The following MAP6 variants were observed in gnomAD, a reference collection of about 807,000 sequenced individuals.
The protein encoded by MAP6 is microtubule associated protein 6.
Under a neutral mutation model 42.4 loss-of-function variants are expected in MAP6, and 26 were observed. That is an observed-to-expected ratio of 0.61 (90% CI 0.45 to 0.85). MAP6 has a LOEUF of 0.85. Ranked by LOEUF, MAP6 falls within the 40% of genes least tolerant of loss-of-function variation. The probability of loss-of-function intolerance (pLI) is 0.00; values close to 1 mark genes in which losing one functional copy is unlikely to be tolerated. For synonymous variants in MAP6, 418 were observed against 443.8 expected, an observed-to-expected ratio of 0.94 and a Z score of 0.73; for missense variants, 966 against 1,099.0, an observed-to-expected ratio of 0.88 and a Z score of 1.71.
At chr11:75,654,353 T>C (rs1288276952) in intron 1 of MAP6, among the ~76,000 whole-genome samples, 2 of 152,190 alleles carry the variant, frequency 1.3e-5, no homozygotes, top group Admixed American at 1.3e-4. Context: ...GTTCCTAATC[T>C]TTTTCCTTCC....
intron 2 of MAP6, chr11:75,607,758 T>C (rs953649132): frequency 6.7e-6 from 5 of 746,822 alleles, no homozygotes; most frequent in Non-Finnish European, 8.2e-6. Context: ...GGGCCAGCCC[T>C]TCTGGGGCCC....
chr11:75,592,281 A>C (rs942173917), intron 3 of MAP6, among the ~76,000 whole-genome samples: 4 of 152,218 alleles, frequency 2.6e-5, no homozygotes, highest in African/African-American at 9.7e-5. Context: ...TCCCCACTGC[A>C]GGCCAGGCTC....
chr11:75,646,749 G>A (rs552146055), intron 1 of MAP6, among the ~76,000 whole-genome samples: 11 of 152,070 alleles, frequency 7.2e-5, no homozygotes, highest in African/African-American at 1.9e-4. Context: ...GAGGTGAGCC[G>A]AGATGGCACC....
intron 1 of MAP6, among the ~76,000 whole-genome samples, chr11:75,617,000 T>C (rs1251856871): frequency 1.3e-5 from 2 of 152,200 alleles, no homozygotes; most frequent in Non-Finnish European, 2.9e-5. Flanking sequence ...CTCTCTTACA[T>C]AGAAAGATTT....
At chr11:75,663,855 G>A (rs1943898313) in intron 1 of MAP6, among the ~76,000 whole-genome samples, 1 of 152,198 alleles carries the variant, frequency 6.6e-6, no homozygotes, top group Non-Finnish European at 1.5e-5. Flanking sequence ...GACATTAAAG[G>A]CTCCTTTTCT....
Position 75,605,919 on chromosome 11 carries a change from G to A in MAP6, c.1205C>T (p.Ala402Val), listed in dbSNP as rs372200286. The A allele has an allele frequency of 3.8e-5, 61 of 1,613,934 alleles. No homozygotes were observed. Among genetic ancestry groups the A allele is most frequent in the Non-Finnish European group, 4.7e-5 (55 of 1,180,032 alleles). The change falls in exon 3 of 4, where the codon GCG becomes GTG. Residue 402 changes from alanine (A) to valine (V), a missense_variant. Coordinates refer to ENST00000304771, the MANE Select transcript of MAP6 (RefSeq NM_033063.2). ...KPTRKAKDKQ[A>V]VSGQAAKKKS... is the part of the protein sequence containing the mutation. ...TTTCTTGGCAGCCTGGCCTGACACC[G>A]CCTGCTTGTCTTTGGCCTTCCTCGT...
intron 1 of MAP6, among the ~76,000 whole-genome samples, chr11:75,662,826 T>C (rs1943876698): frequency 6.6e-6 from 1 of 152,228 alleles, no homozygotes; most frequent in Admixed American, 6.5e-5. Flanking sequence ...TTGAAAGTTC[T>C]CCACTGATTC....
At chr11:75,664,447 T>A (rs1943911745) in intron 1 of MAP6, among the ~76,000 whole-genome samples, 1 of 152,274 alleles carries the variant, frequency 6.6e-6, no homozygotes, top group Admixed American at 6.5e-5. Context: ...TTTTACATGA[T>A]GGACTGTGTG....
At chr11:75,630,082 G>C (rs1179509757) in intron 1 of MAP6, among the ~76,000 whole-genome samples, 1 of 152,188 alleles carries the variant, frequency 6.6e-6, no homozygotes, top group South Asian at 2.1e-4. Context: ...ATGTGCTGCT[G>C]TAACTATCAT....
At chr11:75,599,481 G>C (rs1050611611) in intron 3 of MAP6, among the ~76,000 whole-genome samples, 14 of 152,172 alleles carry the variant, frequency 9.2e-5, no homozygotes, top group Non-Finnish European at 1.9e-4. Flanking sequence ...AGTCACCCAG[G>C]CAAGCTAGTA....
At position 75,667,967 on chromosome 11, in the gene MAP6, G is replaced by C; in HGVS notation, c.403C>G (p.Pro135Ala). 2.3e-6 allele frequency: 3 copies of C among 1,325,150 alleles called. No homozygotes were observed. The South Asian group carries it at 5.9e-5, about 26-fold the overall frequency. 82.1% of individuals were successfully genotyped at this position (1,325,150 alleles called of 1,614,324 possible). A position where few individuals can be genotyped will look rare whatever the true frequency, so the allele number is the denominator to read the frequency against. Residue 135 changes from proline (P) to alanine (A), a missense_variant, in exon 1 of 4, where the codon CCC becomes GCC. Physicochemically the swap from Pro to Ala is conservative, Grantham distance 27 (BLOSUM62 -1). This residue lies in a region of MAP6 where 943 missense variants were observed against 1,049.9 expected (regional missense o/e 0.90). Transcript: ENST00000304771. This position sits in a 1 kb window ranked among gnomAD's most constrained non-coding sequence, Gnocchi z 5.6. ...TATTCGCTGCGCGGCCGGCAGCTGGGCTCGGGCCGCTGCACCTTCCAGGCT... is the reference window on the plus strand; with the variant it reads ...TATTCGCTGCGCGGCCGGCAGCTGGCCTCGGGCCGCTGCACCTTCCAGGCT... ...YRAWKVQRPE[P>A]SCRPRSEYQP... is the part of the protein sequence containing the mutation.
intron 3 of MAP6, among the ~76,000 whole-genome samples, chr11:75,600,884 G>A (rs1312007194): frequency 1.3e-5 from 2 of 152,158 alleles, no homozygotes; most frequent in African/African-American, 4.8e-5. Context: ...ATTTCATGAA[G>A]AACACAAAAA....
chr11:75,619,589 T>C (rs1316645416), intron 1 of MAP6, among the ~76,000 whole-genome samples: 1 of 152,234 alleles, frequency 6.6e-6, no homozygotes, highest in Non-Finnish European at 1.5e-5. Flanking sequence ...CTTCCACTTA[T>C]AAGTGAGAAC....
intron 1 of MAP6, among the ~76,000 whole-genome samples, chr11:75,661,420 T>G (rs1424875679): frequency 6.6e-6 from 1 of 152,050 alleles, no homozygotes; most frequent in Non-Finnish European, 1.5e-5. Flanking sequence ...CAATCTTACT[T>G]ATGAATATAT....
At chr11:75,616,105 G>A (rs1310066853) in intron 1 of MAP6, among the ~76,000 whole-genome samples, 1 of 152,214 alleles carries the variant, frequency 6.6e-6, no homozygotes, top group East Asian at 1.9e-4. Context: ...TTACTGCTGT[G>A]AAGAACATCT....
chr11:75,648,008 G>C (rs1046190759), intron 1 of MAP6, among the ~76,000 whole-genome samples: 1 of 151,982 alleles, frequency 6.6e-6, no homozygotes, highest in Non-Finnish European at 1.5e-5. Flanking sequence ...AAACAAATGA[G>C]GGAACTTGCT....
chr11:75,637,731 T>G (rs574055855), intron 1 of MAP6, among the ~76,000 whole-genome samples: 3 of 147,376 alleles, frequency 2.0e-5, no homozygotes, highest in African/African-American at 7.6e-5. Context: ...CAAGAAACTA[T>G]AAGTGGATCA....
chr11:75,589,311 C>T (rs1942432815), intron 3 of MAP6, among the ~76,000 whole-genome samples: 1 of 152,234 alleles, frequency 6.6e-6, no homozygotes, highest in African/African-American at 2.4e-5. Context: ...CACTCAAAGG[C>T]AAGCATTGCC....
rs768884528 is a variant in MAP6, at chr11:75,587,905, C to T, written c.1596G>A (p.Ser532=). 1.1e-5 allele frequency: 17 copies of T among 1,614,002 alleles called. No homozygotes were observed. Among genetic ancestry groups the T allele is most frequent in the East Asian group, 2.2e-5 (1 of 44,862 alleles). ...ISAPVKDQGP[S]VPVPPKNQSP... ...TTTGATTCTTTGGAGGAACTGGGAC[C>T]GAGGGACCTTGGTCCTTGACTGGTG... The change falls in exon 4 of 4, where the codon TCG becomes TCA. Residue 532 remains serine (S), a synonymous_variant. Coordinates refer to ENST00000304771, the MANE Select transcript of MAP6 (RefSeq NM_033063.2).
Sources: gnomAD v4.1 joint callset for allele counts (sites outside exome capture counted in the v4.1 genomes callset) on GRCh38, gnomAD v4.1.1 for gene constraint, gnomAD v4.1.1 regional missense constraint, Gnocchi (gnomAD v3.1) non-coding constraint, MANE v1.5 for transcripts, NCBI Gene and HGNC (gene_info 2026-07-23, HGNC 2026-07-21) for gene names.